The following PDE4B variants were observed in gnomAD, a reference collection of about 807,000 sequenced individuals.
The protein encoded by PDE4B is phosphodiesterase 4B.
In PDE4B, 20 loss-of-function variants were observed where a neutral mutation model predicts 82.2. That is an observed-to-expected ratio of 0.24 (90% CI 0.17 to 0.35). The LOEUF (loss-of-function observed/expected upper bound fraction) is 0.35, where lower values mean the gene tolerates loss of function less well. Ranked by LOEUF, PDE4B falls within the 10% of genes least tolerant of loss-of-function variation. PDE4B has a pLI of 1.00. For synonymous variants in PDE4B, 320 were observed against 318.9 expected, an observed-to-expected ratio of 1.00 and a Z score of -0.04; for missense variants, 655 against 907.2, an observed-to-expected ratio of 0.72 and a Z score of 3.57.
chr1:65,921,654 A>G (rs969176629), intron 3 of PDE4B, among the ~76,000 whole-genome samples: 2 of 152,370 alleles, frequency 1.3e-5, no homozygotes, highest in African/African-American at 4.8e-5. Flanking sequence ...GCCATAGCCA[A>G]TGTGTAAACG....
chr1:66,086,048 A>G (rs1476507503), intron 3 of PDE4B, among the ~76,000 whole-genome samples: 1 of 152,114 alleles, frequency 6.6e-6, no homozygotes, highest in African/African-American at 2.4e-5. Flanking sequence ...AACCTATGCA[A>G]TCCCACTGCT....
chr1:66,030,089 T>C (rs1431342564), intron 3 of PDE4B, among the ~76,000 whole-genome samples: 1 of 152,078 alleles, frequency 6.6e-6, no homozygotes, highest in African/African-American at 2.4e-5. Context: ...GAAGGCTTTT[T>C]CTGCATCTAT....
chr1:65,950,893 A>C (rs1400638915), intron 3 of PDE4B, among the ~76,000 whole-genome samples: 1 of 152,118 alleles, frequency 6.6e-6, no homozygotes, highest in Non-Finnish European at 1.5e-5. Flanking sequence ...TAGGAACTAT[A>C]ATGATCAGCA....
Position 66,020,409 on chromosome 1 carries a change from C to A in PDE4B, c.281+101574C>A, listed in dbSNP as rs147022895. Among the ~76,000 whole-genome samples, 269 of 152,208 alleles carry A rather than the reference C, an allele frequency of 1.8e-3. 2 individuals carry two copies. The highest frequency in any genetic ancestry group is 6.4e-3 in the African/African-American group (265 of 41,544). ...ATACATGTGCCATGTTGGTGTGCTGCACCCGATAACTCGTCATTTATATTA... is the reference window on the plus strand; with the variant it reads ...ATACATGTGCCATGTTGGTGTGCTGAACCCGATAACTCGTCATTTATATTA... On this transcript the variant is annotated intron_variant, in intron 3 of 16. Coordinates refer to ENST00000341517, the MANE Select transcript of PDE4B (RefSeq NM_002600.4).
intron 1 of PDE4B, among the ~76,000 whole-genome samples, chr1:65,807,325 A>T (rs1286784927): frequency 1.2e-4 from 19 of 152,262 alleles, no homozygotes; most frequent in Non-Finnish European, 2.6e-4. Flanking sequence ...AATTGAGTAA[A>T]AAAATCGATT....
intron 3 of PDE4B, among the ~76,000 whole-genome samples, chr1:65,955,022 A>T (rs887332842): frequency 6.6e-6 from 1 of 152,092 alleles, no homozygotes; most frequent in Non-Finnish European, 1.5e-5. Flanking sequence ...TCAATTTGTG[A>T]TTCTCTTGAG....
intron 3 of PDE4B, among the ~76,000 whole-genome samples, chr1:66,225,428 A>G (rs1651371963): frequency 6.6e-6 from 1 of 152,196 alleles, no homozygotes; most frequent in Admixed American, 6.5e-5. Flanking sequence ...AAGTGAACTC[A>G]GATATTTTTC....
intron 1 of PDE4B, among the ~76,000 whole-genome samples, chr1:65,898,824 A>G (rs932224156): frequency 6.6e-6 from 1 of 152,178 alleles, no homozygotes; most frequent in Non-Finnish European, 1.5e-5. Flanking sequence ...CTCAAGATGG[A>G]TTAAGGACTT....
chr1:66,138,163 A>G (rs1646096377), intron 3 of PDE4B, among the ~76,000 whole-genome samples: 1 of 152,200 alleles, frequency 6.6e-6, no homozygotes, highest in African/African-American at 2.4e-5. Context: ...TGGGAAAGCA[A>G]AAGGAAAACA....
intron 6 of PDE4B, among the ~76,000 whole-genome samples, chr1:66,258,674 T>A (rs1371457336): frequency 6.6e-6 from 1 of 152,078 alleles, no homozygotes; most frequent in Non-Finnish European, 1.5e-5. Flanking sequence ...TCCCCCCGCA[T>A]AAGTTAGAGA....
intron 3 of PDE4B, among the ~76,000 whole-genome samples, chr1:65,977,620 G>A (rs1650477310): frequency 6.6e-6 from 1 of 152,148 alleles, no homozygotes; most frequent in Non-Finnish European, 1.5e-5. Context: ...ATTGTTCTAT[G>A]TACCATAGGG....
chr1:65,854,636 A>G (rs1279563285), intron 1 of PDE4B, among the ~76,000 whole-genome samples: 1 of 152,034 alleles, frequency 6.6e-6, no homozygotes. Context: ...TTAAGTATTT[A>G]TATTTATCAT....
At chr1:66,035,251 T>C (rs1425526701) in intron 3 of PDE4B, among the ~76,000 whole-genome samples, 1 of 150,262 alleles carries the variant, frequency 6.7e-6, no homozygotes, top group Non-Finnish European at 1.5e-5. Context: ...TTTTGACACA[T>C]GTTTAGATTG....
chr1:65,918,727 G>C lies in PDE4B; in HGVS notation c.173G>C (p.Arg58Thr), dbSNP rs1261710070. ...TTACAGTTACCACCACTGTCTCAAA[G>C]ACAGAGTGAAAGGGCAAGGACTCCT... ...GNLQLPPLSQ[R>T]QSERARTPEG... Residue 58 changes from arginine (R) to threonine (T), a missense_variant, in exon 3 of 17, where the codon AGA (arginine) becomes ACA (threonine). Arg to Thr is a moderately conservative substitution (Grantham distance 71). Transcript: ENST00000341517. The C allele has an allele frequency of 6.2e-7, 1 of 1,613,912 alleles. No homozygotes were observed. The highest frequency in any genetic ancestry group is 8.5e-7 in the Non-Finnish European group (1 of 1,179,768).
intron 1 of PDE4B, among the ~76,000 whole-genome samples, chr1:65,802,723 TATG>T (rs71939575): frequency 0.095 from 14,399 of 152,228 alleles, 837 homozygotes; most frequent in South Asian, 0.15. Flanking sequence ...TTTCTTAAGA[TATG>T]ATAGTTTAAA....
At chr1:65,878,714 C>T (rs2100333638) in intron 1 of PDE4B, among the ~76,000 whole-genome samples, 1 of 152,030 alleles carries the variant, frequency 6.6e-6, no homozygotes, top group South Asian at 2.1e-4. Context: ...GGGAACATCA[C>T]ACACCAGAGC....
chr1:65,961,494 G>C (rs1649538997), intron 3 of PDE4B, among the ~76,000 whole-genome samples: 1 of 152,050 alleles, frequency 6.6e-6, no homozygotes, highest in Non-Finnish European at 1.5e-5. Flanking sequence ...TTCATAATAA[G>C]AATAAAGATA....
chr1:66,164,527 C>A, intron 3 of PDE4B, among the ~76,000 whole-genome samples: 1 of 78,870 alleles, frequency 1.3e-5, no homozygotes, highest in East Asian at 3.7e-4. Flanking sequence ...CAGAGAGAGA[C>A]TCCGTCTCAA....
intron 3 of PDE4B, among the ~76,000 whole-genome samples, chr1:66,053,712 G>T (rs1655154909): frequency 6.6e-6 from 1 of 151,948 alleles, no homozygotes. Flanking sequence ...ACAAAAAATT[G>T]GCCGGGGGTG....
Sources: allele counts gnomAD v4.1 joint callset (sites outside exome capture counted in the v4.1 genomes callset), GRCh38; gene constraint gnomAD v4.1.1; transcripts MANE v1.5; gene names NCBI Gene and HGNC (gene_info 2026-07-23, HGNC 2026-07-21).